Variants in NXPE4 observed in about 807,000 individuals in gnomAD.
NXPE4 encodes neurexophilin and PC-esterase domain family member 4.
NXPE4 carries 42 observed loss-of-function variants against 33.3 expected under a neutral mutation model. The observed-to-expected ratio is 1.26, with a 90% CI of 0.98 to 1.63. The LOEUF (loss-of-function observed/expected upper bound fraction) is 1.63, where lower values mean the gene tolerates loss of function less well. NXPE4 is among the 40% of genes most tolerant of loss of function. The pLI, the probability that NXPE4 is intolerant of heterozygous loss-of-function variation, is 0.00. For missense variants in NXPE4, 709 were observed against 647.6 expected (o/e 1.09, Z -1.03); for synonymous variants, 253 against 234.9 (o/e 1.08, Z -0.71).
Position 114,571,370 on chromosome 11 carries a change from G to A in NXPE4, c.1203C>T (p.Pro401=). 2 of 1,613,990 alleles carry A rather than the reference G, an allele frequency of 1.2e-6. No homozygotes were observed. The highest frequency in any genetic ancestry group is 1.7e-6 in the Non-Finnish European group (2 of 1,179,930). ...CTGAATAGGTCATTGATCCTATCAA[G>A]GGATAACAATATTTTTGCCACTGGA... is the stretch of plus-strand genomic sequence containing the variant. The part of the protein sequence containing the change: ...INIQWQKYCY[P]LIGSMTYSVK... The change falls in exon 6 of 6, where the codon CCC becomes CCT. Residue 401 remains proline (P), a synonymous_variant. Transcript: ENST00000375478.
intron 1 of NXPE4, 68 bp downstream of exon 1, chr11:114,595,524 G>A (rs1263338678): frequency 6.6e-6 from 1 of 152,198 alleles, no homozygotes; most frequent in African/African-American, 2.4e-5. Context: ...GGCATTAGAT[G>A]TTTCTGCACC....
the NXPE4 span, among the ~76,000 whole-genome samples, chr11:114,619,289 G>C: frequency 6.6e-6 from 1 of 152,132 alleles, no homozygotes; most frequent in African/African-American, 2.4e-5. Context: ...AATAAGTATT[G>C]CCTCGTGGGT....
the NXPE4 span, among the ~76,000 whole-genome samples, chr11:114,652,036 G>T: frequency 6.6e-6 from 1 of 152,180 alleles, no homozygotes. Context: ...CAAAGCATTT[G>T]TTACCCAACT....
chr11:114,639,865 T>TAAATATAAAATATAATATATA, the NXPE4 span, among the ~76,000 whole-genome samples: 29 of 52,658 alleles, frequency 5.5e-4, no homozygotes, highest in Admixed American at 4.1e-3. Context: ...TATATTATAT[T>TAAATATAAAATATAATATATA]TTATATTAAA....
At chr11:114,602,276 C>T in the NXPE4 span, among the ~76,000 whole-genome samples, 5 of 113,780 alleles carry the variant, frequency 4.4e-5, no homozygotes, top group South Asian at 1.3e-3. Flanking sequence ...ATATATTATA[C>T]TATATATATG....
chr11:114,617,547 C>G, the NXPE4 span, among the ~76,000 whole-genome samples: 1 of 152,016 alleles, frequency 6.6e-6, no homozygotes. Context: ...ACCACTGTTA[C>G]CCAGTGGAAA....
At chr11:114,644,499 A>C in the NXPE4 span, among the ~76,000 whole-genome samples, 1 of 152,158 alleles carries the variant, frequency 6.6e-6, no homozygotes, top group Non-Finnish European at 1.5e-5. Flanking sequence ...ATTTCTAAGC[A>C]GTAATAATAA....
chr11:114,637,166 A>G, the NXPE4 span, among the ~76,000 whole-genome samples: 2 of 151,830 alleles, frequency 1.3e-5, no homozygotes, highest in African/African-American at 4.8e-5. Flanking sequence ...GTCCATATAT[A>G]TTTAGGATAG....
At chr11:114,602,486 C>T in the NXPE4 span, among the ~76,000 whole-genome samples, 1 of 134,280 alleles carries the variant, frequency 7.4e-6, no homozygotes, top group Non-Finnish European at 1.5e-5. Flanking sequence ...TTATATATAA[C>T]ATATATTATC....
the NXPE4 span, among the ~76,000 whole-genome samples, chr11:114,632,931 A>G: frequency 4.2e-5 from 4 of 95,554 alleles, no homozygotes; most frequent in Non-Finnish European, 7.3e-5. Flanking sequence ...ATAATTATAT[A>G]ATAATATATA....
At chr11:114,619,641 T>C in the NXPE4 span, among the ~76,000 whole-genome samples, 2 of 152,052 alleles carry the variant, frequency 1.3e-5, no homozygotes, top group African/African-American at 4.8e-5. Flanking sequence ...TAACCACTGT[T>C]ACCCTGTGGA....
the NXPE4 span, among the ~76,000 whole-genome samples, chr11:114,643,978 T>C: frequency 2.6e-5 from 4 of 152,176 alleles, no homozygotes; most frequent in African/African-American, 7.2e-5. Context: ...AGGTCCTTCA[T>C]ATCCCTTTTA....
chr11:114,640,992 A>G, the NXPE4 span, among the ~76,000 whole-genome samples: 2 of 152,074 alleles, frequency 1.3e-5, no homozygotes, highest in Non-Finnish European at 2.9e-5. Flanking sequence ...AGTGTAATCA[A>G]CATCATTGGA....
chr11:114,656,744 T>A, the NXPE4 span, among the ~76,000 whole-genome samples: 1 of 152,228 alleles, frequency 6.6e-6, no homozygotes, highest in East Asian at 1.9e-4. Flanking sequence ...ATATTTGTAA[T>A]ATACTTAATA....
At chr11:114,640,327 T>A in the NXPE4 span, among the ~76,000 whole-genome samples, 1 of 147,740 alleles carries the variant, frequency 6.8e-6, no homozygotes, top group Non-Finnish European at 1.5e-5. Context: ...ATTATATGTT[T>A]ATATTGTATC....
At chr11:114,619,355 C>T in the NXPE4 span, among the ~76,000 whole-genome samples, 56 of 150,996 alleles carry the variant, frequency 3.7e-4, no homozygotes, top group African/African-American at 1.2e-3. Context: ...CACTGTTACC[C>T]GGTAGATAAT....
the NXPE4 span, among the ~76,000 whole-genome samples, chr11:114,676,917 G>A: frequency 6.6e-6 from 1 of 151,874 alleles, no homozygotes; most frequent in Non-Finnish European, 1.5e-5. Flanking sequence ...TAAACAGTTG[G>A]GTGTTGCTCA....
At chr11:114,625,808 G>C in the NXPE4 span, among the ~76,000 whole-genome samples, 3 of 152,138 alleles carry the variant, frequency 2.0e-5, no homozygotes, top group Admixed American at 6.5e-5. Flanking sequence ...GTGCAGGTCA[G>C]TGGGTGAGCA....
chr11:114,581,828 A>G, intron 3 of NXPE4, 42 bp from the exon 4 acceptor site: 1 of 1,375,318 alleles, frequency 7.3e-7, no homozygotes, highest in Middle Eastern at 1.8e-4. Context: ...AGGTGGCCTC[A>G]AATCAGGAAA....
Sources: allele counts gnomAD v4.1 joint callset (sites outside exome capture counted in the v4.1 genomes callset), GRCh38; gene constraint gnomAD v4.1.1; transcripts MANE v1.5; gene names NCBI Gene and HGNC (gene_info 2026-07-23, HGNC 2026-07-21).